Variants in ITSN2 observed in about 807,000 individuals in gnomAD.
ITSN2 encodes the protein intersectin 2, also known as intersectin-2.
Under a neutral mutation model 243.7 loss-of-function variants are expected in ITSN2, and 156 were observed. That is an observed-to-expected ratio of 0.64 (90% CI 0.56 to 0.73). The LOEUF (loss-of-function observed/expected upper bound fraction) is 0.73, where lower values mean the gene tolerates loss of function less well. Ranked by LOEUF, ITSN2 falls within the 30% of genes least tolerant of loss-of-function variation. The pLI, the probability that ITSN2 is intolerant of heterozygous loss-of-function variation, is 0.00. For synonymous variants in ITSN2, 703 were observed against 699.9 expected (o/e 1.00, Z -0.07); for missense variants, 1,801 against 1,996.1 (o/e 0.90, Z 1.86).
At chr2:24,348,434 C>A (rs1244982230) in intron 1 of ITSN2, among the ~76,000 whole-genome samples, 1 of 152,092 alleles carries the variant, frequency 6.6e-6, no homozygotes, top group African/African-American at 2.4e-5. Flanking sequence ...AAGTGATCCA[C>A]CCGCCTCAGC....
rs115550499 is a variant in ITSN2 at position 24,226,725 on chromosome 2, G to A, written c.3578-5659C>T. 2.4e-3 allele frequency among the ~76,000 whole-genome samples: 373 copies of A among 152,274 alleles called. 3 individuals carry two copies. Among genetic ancestry groups the A allele is most frequent in the Non-Finnish European group, 7.2e-4 (49 of 68,016 alleles). ...TGCAGCCAGTCTAATTGCTGTTCAT[G>A]TGGTTATTCTGGTTTTTCTTGGTGC... On this transcript the variant is annotated intron_variant, in intron 29 of 39. Transcript: ENST00000355123.
chr2:24,288,717 T>A (rs1460504476), intron 15 of ITSN2, among the ~76,000 whole-genome samples: 7 of 152,174 alleles, frequency 4.6e-5, no homozygotes, highest in African/African-American at 1.7e-4. Flanking sequence ...AAGAATACAA[T>A]GCACTATTAT....
At chr2:24,205,695 C>G (rs745722411) in intron 37 of ITSN2, 2 of 216,062 alleles carry the variant, frequency 9.3e-6, no homozygotes, top group East Asian at 2.0e-4. Flanking sequence ...TGGACTGTTT[C>G]GATCATCCTT....
chr2:24,356,345 C>CAAAAAAAAAAA (rs70944743), intron 1 of ITSN2, among the ~76,000 whole-genome samples: 1 of 109,394 alleles, frequency 9.1e-6, no homozygotes. Context: ...GACCCTGTCT[C>CAAAAAAAAAAA]AAAAAAAAAA....
chr2:24,236,463 C>T (rs1306611400), intron 29 of ITSN2, among the ~76,000 whole-genome samples: 3 of 152,138 alleles, frequency 2.0e-5, no homozygotes, highest in Non-Finnish European at 4.4e-5. Flanking sequence ...ACACTAAAAA[C>T]CACCAATTGC....
chr2:24,317,910 A>T (rs1160482428), intron 2 of ITSN2, among the ~76,000 whole-genome samples: 1 of 152,206 alleles, frequency 6.6e-6, no homozygotes, highest in African/African-American at 2.4e-5. Flanking sequence ...CTCTCAGGCT[A>T]TCAGTGGTGC....
intron 23 of ITSN2, among the ~76,000 whole-genome samples, chr2:24,257,463 CTTT>C: frequency 6.9e-6 from 1 of 145,906 alleles, no homozygotes; most frequent in Admixed American, 6.8e-5. Context: ...TTTCTTTTTT[CTTT>C]TTTTTTTTAA....
intron 29 of ITSN2, among the ~76,000 whole-genome samples, chr2:24,222,390 A>G (rs554769694): frequency 2.7e-4 from 41 of 152,246 alleles, no homozygotes; most frequent in African/African-American, 9.1e-4. Context: ...CTTGATAACT[A>G]GAACTATCAC....
intron 27 of ITSN2, 56 bp downstream of exon 27, chr2:24,248,573 T>C (rs1673699851): frequency 2.8e-6 from 4 of 1,424,622 alleles, no homozygotes; most frequent in Non-Finnish European, 3.8e-6. Flanking sequence ...ATCTTTTTTA[T>C]GGAGCATGCA....
At chr2:24,226,737 G>T (rs1054836232) in intron 29 of ITSN2, among the ~76,000 whole-genome samples, 1 of 152,086 alleles carries the variant, frequency 6.6e-6, no homozygotes, top group South Asian at 2.1e-4. Flanking sequence ...GGTTATTCTG[G>T]TTTTTCTTGG....
chr2:24,270,097 T>C (rs907976016), intron 20 of ITSN2, among the ~76,000 whole-genome samples: 1 of 152,064 alleles, frequency 6.6e-6, no homozygotes, highest in African/African-American at 2.4e-5. Context: ...ACTGGCTAGA[T>C]ACTCTGGCTA....
At chr2:24,256,462 T>C (rs1675069740) in intron 23 of ITSN2, among the ~76,000 whole-genome samples, 1 of 152,196 alleles carries the variant, frequency 6.6e-6, no homozygotes, top group South Asian at 2.1e-4. Flanking sequence ...GACCAGCATC[T>C]TTTCATCAAA....
At position 24,203,506 on chromosome 2, in the gene ITSN2, G is replaced by T; in HGVS notation, c.*120C>A. ...TGTGCAGGAAAACAGAGCCCCCAGC[G>T]TGCATGGCTTTGTGAGGGGTGAAGC... is the stretch of plus-strand genomic sequence containing the variant. On this transcript the variant is annotated 3_prime_UTR_variant, in exon 40 of 40. Transcript: ENST00000355123. The T allele has an allele frequency of 1.0e-6, 1 of 973,400 alleles. No homozygotes were observed. Among genetic ancestry groups the T allele is most frequent in the Non-Finnish European group, 1.5e-6 (1 of 670,404 alleles). 60.3% of individuals were successfully genotyped at this position (973,400 alleles called of 1,614,324 possible). A position where few individuals can be genotyped will look rare whatever the true frequency, so the allele number is the denominator to read the frequency against.
At chr2:24,320,128 G>T (rs1684381371) in intron 2 of ITSN2, among the ~76,000 whole-genome samples, 1 of 152,188 alleles carries the variant, frequency 6.6e-6, no homozygotes, top group East Asian at 1.9e-4. Context: ...CCTAATCCCA[G>T]TATTTTGGGA....
chr2:24,236,431 A>G (rs143631978), intron 29 of ITSN2, among the ~76,000 whole-genome samples: 1 of 152,336 alleles, frequency 6.6e-6, no homozygotes, highest in Admixed American at 6.5e-5. Context: ...GACTGTGGAA[A>G]TGGTTGGACA....
At chr2:24,330,284 T>C in intron 1 of ITSN2, 2 of 373,974 alleles carry the variant, frequency 5.3e-6, no homozygotes, top group Non-Finnish European at 5.1e-6. Flanking sequence ...TACAAAAGAA[T>C]GCCAAATAGA....
intron 1 of ITSN2, among the ~76,000 whole-genome samples, chr2:24,357,394 T>A (rs1348668505): frequency 1.3e-5 from 2 of 152,006 alleles, no homozygotes; most frequent in Admixed American, 1.3e-4. Context: ...TCAAACACCC[T>A]ATGTTCTCAC....
intron 20 of ITSN2, among the ~76,000 whole-genome samples, chr2:24,264,527 T>C (rs919691117): frequency 1.3e-5 from 2 of 152,210 alleles, no homozygotes; most frequent in African/African-American, 4.8e-5. Context: ...AGGTTCACAT[T>C]TGACATCATA....
At chr2:24,267,214 C>T (rs951949208) in intron 20 of ITSN2, among the ~76,000 whole-genome samples, 1 of 151,922 alleles carries the variant, frequency 6.6e-6, no homozygotes, top group Non-Finnish European at 1.5e-5. Flanking sequence ...GGGAGGGGAA[C>T]ATCACACAGC....
Sources: allele counts gnomAD v4.1 joint callset (sites outside exome capture counted in the v4.1 genomes callset), GRCh38; gene constraint gnomAD v4.1.1; transcripts MANE v1.5; gene names NCBI Gene and HGNC (gene_info 2026-07-23, HGNC 2026-07-21).